Variants in SHPK observed in about 807,000 individuals in gnomAD.
The protein encoded by SHPK is sedoheptulokinase.
A neutral mutation model predicts 46.3 loss-of-function variants in SHPK; 51 were observed. That is an observed-to-expected ratio of 1.10 (90% CI 0.88 to 1.39). The LOEUF (loss-of-function observed/expected upper bound fraction) is 1.39. Ranked by LOEUF, SHPK falls within the 40% of genes most tolerant of loss-of-function variation. The probability of loss-of-function intolerance (pLI) is 0.00; values close to 1 mark genes in which losing one functional copy is unlikely to be tolerated. For synonymous variants in SHPK, 290 were observed against 273.9 expected, an observed-to-expected ratio of 1.06 and a Z score of -0.58; for missense variants, 668 against 641.3, an observed-to-expected ratio of 1.04 and a Z score of -0.45.
Position 3,612,895 on chromosome 17 carries a change from G to A in SHPK, c.1025-1923C>T, listed in dbSNP as rs1462534155. ...GCCTCCCGAGTAGCTGGGACTACAG[G>A]TGCATGCCACCACTCCAGGCTAATT... On this transcript the variant is annotated intron_variant, in intron 6 of 6. Transcript: ENST00000225519. Among the ~76,000 whole-genome samples, 4 of 152,134 alleles carry A rather than the reference G, an allele frequency of 2.6e-5. No homozygotes were observed. In the East Asian group the frequency reaches 7.7e-4, roughly 29 times the overall value.
At chr17:3,614,932 G>A (rs1305311842) in intron 6 of SHPK, among the ~76,000 whole-genome samples, 1 of 152,072 alleles carries the variant, frequency 6.6e-6, no homozygotes, top group Non-Finnish European at 1.5e-5. Flanking sequence ...TAAGTGCATT[G>A]TAAGTGAAAT....
chr17:3,621,896 A>G (rs1012710249), intron 4 of SHPK, among the ~76,000 whole-genome samples: 5 of 150,540 alleles, frequency 3.3e-5, no homozygotes, highest in Admixed American at 2.0e-4. Context: ...CACATCGTTC[A>G]CCCGCTTCAG....
intron 6 of SHPK, among the ~76,000 whole-genome samples, chr17:3,611,686 G>A (rs2075340929): frequency 6.6e-6 from 1 of 152,080 alleles, no homozygotes; most frequent in East Asian, 1.9e-4. Flanking sequence ...TGTGCACAGG[G>A]CACCTGAAAT....
At chr17:3,626,327 C>T (rs1597575938) in intron 2 of SHPK, among the ~76,000 whole-genome samples, 1 of 152,086 alleles carries the variant, frequency 6.6e-6, no homozygotes, top group African/African-American at 2.4e-5. Context: ...AATTTTTCTC[C>T]ATTATTTCTT....
chr17:3,630,395 G>A, intron 1 of SHPK, 49 bp from the exon 2 acceptor site: 1 of 1,555,588 alleles, frequency 6.4e-7, no homozygotes, highest in Non-Finnish European at 8.7e-7. Flanking sequence ...ACAGGCAGGG[G>A]GAGGGGCGCA....
intron 1 of SHPK, among the ~76,000 whole-genome samples, chr17:3,633,569 T>G (rs1409844424): frequency 7.2e-5 from 11 of 152,018 alleles, no homozygotes; most frequent in Non-Finnish European, 1.6e-4. Flanking sequence ...TCATATGTGG[T>G]GTGGGGGGGT....
Position 3,624,090 on chromosome 17 carries a change from G to A in SHPK, c.452C>T (p.Thr151Met), listed in dbSNP as rs146284695. 4.6e-4 allele frequency: 737 copies of A among 1,613,880 alleles called. 1 individual carries two copies. Among genetic ancestry groups the A allele is most frequent in the Middle Eastern group, 2.0e-3 (12 of 6,062 alleles). ...PQPKSHLSVATGFGCATIFWL... is the reference protein window; with the variant it reads ...PQPKSHLSVAMGFGCATIFWL... ...GAAGATGGTTGCACAGCCGAAGCCC[G>A]TGGCCACACTGAGATGAGACTTCGG... Residue 151 changes from threonine to methionine, a missense_variant, in exon 3 of 7, where the codon ACG (threonine) becomes ATG (methionine). Thr to Met is a moderately conservative substitution (Grantham distance 81, BLOSUM62 -1). Transcript: ENST00000225519.
At chr17:3,612,936 G>A (rs36000869) in intron 6 of SHPK, among the ~76,000 whole-genome samples, 1 of 152,138 alleles carries the variant, frequency 6.6e-6, no homozygotes, top group Non-Finnish European at 1.5e-5. Context: ...ATTTTTAGTA[G>A]AGACGGTGTT....
At chr17:3,626,001 T>C (rs573833035) in intron 2 of SHPK, among the ~76,000 whole-genome samples, 8 of 152,172 alleles carry the variant, frequency 5.3e-5, no homozygotes, top group East Asian at 3.9e-4. Flanking sequence ...TGCAGTGAGC[T>C]GAGATCGCAC....
At chr17:3,619,631 G>A (rs2075388598) in intron 5 of SHPK, 1 of 365,188 alleles carries the variant, frequency 2.7e-6, no homozygotes, top group Non-Finnish European at 5.2e-6. Context: ...TACTCGGGAG[G>A]ACAAGGCAGG....
At chr17:3,636,013 G>C (rs910244995) in intron 1 of SHPK, 39 bp downstream of exon 1, 1 of 1,503,024 alleles carries the variant, frequency 6.7e-7, no homozygotes, top group Non-Finnish European at 8.8e-7. Flanking sequence ...GTGGTCAGGA[G>C]GCTCCTGGAG....
Position 3,612,876 on chromosome 17 carries a change from C to T in SHPK, c.1025-1904G>A, listed in dbSNP as rs528139661. Among the ~76,000 whole-genome samples, 413 of 152,038 alleles carry T rather than the reference C, an allele frequency of 2.7e-3. 1 individual carries two copies. The highest frequency in any genetic ancestry group is 4.7e-3 in the Non-Finnish European group (320 of 67,970). On this transcript the variant is annotated intron_variant, in intron 6 of 6. Coordinates refer to ENST00000225519, the MANE Select transcript of SHPK (RefSeq NM_013276.4). ...AAGCAATTCTTCTGCCTCAGCCTCC[C>T]GAGTAGCTGGGACTACAGGTGCATG...
intron 2 of SHPK, among the ~76,000 whole-genome samples, chr17:3,628,224 G>A (rs1484995798): frequency 1.3e-5 from 2 of 152,048 alleles, no homozygotes; most frequent in East Asian, 3.9e-4. Context: ...ATGTTGATCT[G>A]TAGTAAAATG....
intron 1 of SHPK, among the ~76,000 whole-genome samples, chr17:3,631,753 C>T (rs981914304): frequency 6.6e-6 from 1 of 151,554 alleles, no homozygotes. Flanking sequence ...AAACTCCTGG[C>T]CTCAGGGATT....
chr17:3,630,343 G>C lies in SHPK; in HGVS notation c.172C>G (p.Arg58Gly), dbSNP rs903773880. The C allele has an allele frequency of 1.9e-6, 3 of 1,606,832 alleles. No homozygotes were observed. Among genetic ancestry groups the C allele is most frequent in the South Asian group, 1.1e-5 (1 of 90,690 alleles). The change falls in exon 2 of 7, where the codon CGG (arginine) becomes GGG (glycine). Residue 58 changes from arginine (R) to glycine (G), a missense_variant. Transcript: ENST00000225519. ...AGGATTCTACTCACATCCTGCTCCC[G>C]CCCCTGGAAGCAAAAGAGAACACAT... ...VESAVAGPQG[R>G]EQDVSRILQA...
intron 5 of SHPK, among the ~76,000 whole-genome samples, chr17:3,617,262 T>TAA: frequency 6.6e-6 from 1 of 152,314 alleles, no homozygotes; most frequent in Non-Finnish European, 1.5e-5. Flanking sequence ...CAAACGGGCA[T>TAA]AAGTACCCAC....
chr17:3,622,793 C>T (rs1400350109), intron 4 of SHPK, among the ~76,000 whole-genome samples: 1 of 151,826 alleles, frequency 6.6e-6, no homozygotes, highest in Non-Finnish European at 1.5e-5. Context: ...CAACCTCCGC[C>T]TCCCAGGTTC....
Position 3,621,346 on chromosome 17 carries a change from G to T in SHPK, c.714C>A (p.Gly238=). The T allele has an allele frequency of 6.2e-7, 1 of 1,614,050 alleles. No homozygotes were observed. The highest frequency in any genetic ancestry group is 8.5e-7 in the Non-Finnish European group (1 of 1,180,008). The change falls in exon 5 of 7, where the codon GGC becomes GGA. Residue 238 remains glycine, a synonymous_variant. Transcript: ENST00000225519. The part of the protein sequence containing the change: ...PDIAEPGSVA[G]RTSHMWFEIP... The stretch of plus-strand genomic sequence containing the variant: ...TTTCAAACCACATGTGGGAAGTTCT[G>T]CCCGCCACACTGCCAGGCTCGGCGA...
At chr17:3,622,596 G>A (rs548625297) in intron 4 of SHPK, 5 of 985,128 alleles carry the variant, frequency 5.1e-6, no homozygotes, top group African/African-American at 1.7e-5. Context: ...TTTGGGCCCT[G>A]AAGGAAGTGA....
Sources: allele counts gnomAD v4.1 joint callset (sites outside exome capture counted in the v4.1 genomes callset), GRCh38; gene constraint gnomAD v4.1.1; transcripts MANE v1.5; gene names NCBI Gene and HGNC (gene_info 2026-07-23, HGNC 2026-07-21).